The following PBX3 variants were observed in gnomAD, a reference collection of about 807,000 sequenced individuals.
PBX3 encodes pre-B-cell leukemia transcription factor 3.
PBX3 carries 14 observed loss-of-function variants against 48.5 expected under a neutral mutation model. That is an observed-to-expected ratio of 0.29 (90% confidence interval 0.19 to 0.45). The LOEUF is 0.45. Ranked by LOEUF, PBX3 falls within the 20% of genes least tolerant of loss-of-function variation. The pLI is 1.00. For synonymous variants in PBX3, 210 were observed against 200.3 expected, an observed-to-expected ratio of 1.05 and a Z score of -0.41; for missense variants, 386 against 546.7, an observed-to-expected ratio of 0.71 and a Z score of 2.93.
chr9:125,848,155 G>A (rs1839477781), intron 2 of PBX3, among the ~76,000 whole-genome samples: 1 of 151,940 alleles, frequency 6.6e-6, no homozygotes, highest in African/African-American at 2.4e-5. Flanking sequence ...CCAGTTTAGA[G>A]AACAAATCTC....
chr9:125,818,208 C>CA (rs374269822), intron 2 of PBX3, among the ~76,000 whole-genome samples: 3,894 of 139,604 alleles, frequency 0.028, 68 homozygotes, highest in African/African-American at 0.042. Context: ...TCAAAAAAAC[C>CA]AAAAAAAAAA....
rs34242809 is a variant in PBX3 at position 125,802,674 on chromosome 9, A to AT, written c.274+54061dup. ...ATTAGCAATTGTGCCTGGCCAATACATTTTTTTTTTGTTTGTTTTTTTGAG... is the reference window on the plus strand; with the variant it reads ...ATTAGCAATTGTGCCTGGCCAATACATTTTTTTTTTTGTTTGTTTTTTTGAG... On this transcript the variant is annotated intron_variant, in intron 2 of 8. Transcript: ENST00000373489. 4.7e-5 allele frequency among the ~76,000 whole-genome samples: 7 copies of AT among 150,032 alleles called. No homozygotes were observed. The South Asian group carries it at 8.5e-4, about 18-fold the overall frequency.
chr9:125,855,027 A>C (rs972378839), intron 2 of PBX3, among the ~76,000 whole-genome samples: 6 of 152,214 alleles, frequency 3.9e-5, no homozygotes, highest in African/African-American at 1.4e-4. Context: ...GCATGAGATG[A>C]CTAAGTCAAA....
chr9:125,887,402 C>G (rs1432914422), intron 2 of PBX3, among the ~76,000 whole-genome samples: 2 of 152,184 alleles, frequency 1.3e-5, no homozygotes, highest in African/African-American at 4.8e-5. Context: ...CTATGCTAAT[C>G]ATTTGTTAGA....
At chr9:125,928,056 A>G (rs1219906271) in intron 3 of PBX3, among the ~76,000 whole-genome samples, 1 of 151,446 alleles carries the variant, frequency 6.6e-6, no homozygotes, top group African/African-American at 2.4e-5. Context: ...GGCGGTGTGT[A>G]CCTGTAGTCC....
At chr9:125,922,742 T>G (rs1372998898) in intron 3 of PBX3, among the ~76,000 whole-genome samples, 1 of 152,186 alleles carries the variant, frequency 6.6e-6, no homozygotes, top group African/African-American at 2.4e-5. Flanking sequence ...GTTTAAAAAA[T>G]GTATGCCTTT....
At chr9:125,890,842 A>C (rs1840624313) in intron 2 of PBX3, among the ~76,000 whole-genome samples, 1 of 152,218 alleles carries the variant, frequency 6.6e-6, no homozygotes, top group Non-Finnish European at 1.5e-5. Flanking sequence ...GCCCCTTTTT[A>C]GATTAACAAA....
intron 3 of PBX3, among the ~76,000 whole-genome samples, chr9:125,921,051 T>C (rs891252153): frequency 3.3e-5 from 5 of 152,152 alleles, no homozygotes; most frequent in Admixed American, 1.3e-4. Flanking sequence ...TAATTCCATT[T>C]TGCTATTTCT....
intron 2 of PBX3, among the ~76,000 whole-genome samples, chr9:125,829,015 G>A (rs1838883874): frequency 6.6e-6 from 1 of 152,114 alleles, no homozygotes; most frequent in Non-Finnish European, 1.5e-5. Flanking sequence ...ATTGGAGCTG[G>A]GAGTCTGGTA....
intron 2 of PBX3, among the ~76,000 whole-genome samples, chr9:125,857,578 T>C (rs1839755521): frequency 1.3e-5 from 2 of 152,168 alleles, no homozygotes; most frequent in African/African-American, 2.4e-5. Context: ...TTCAAAAACA[T>C]TTCTTTAAAA....
intron 2 of PBX3, among the ~76,000 whole-genome samples, chr9:125,886,802 AACTT>A (rs1564156570): frequency 1.6e-4 from 6 of 36,928 alleles, no homozygotes; most frequent in Non-Finnish European, 5.6e-4. Flanking sequence ...TGAAAATTAC[AACTT>A]GAACAACATT....
intron 2 of PBX3, among the ~76,000 whole-genome samples, chr9:125,792,692 G>A (rs971362010): frequency 5.0e-4 from 71 of 142,512 alleles, no homozygotes; most frequent in African/African-American, 1.8e-3. Flanking sequence ...CTTTATTGAG[G>A]TATACTTAAT....
At chr9:125,931,745 T>C (rs1402051010) in intron 4 of PBX3, among the ~76,000 whole-genome samples, 1 of 152,156 alleles carries the variant, frequency 6.6e-6, no homozygotes, top group Non-Finnish European at 1.5e-5. Flanking sequence ...GGTGAACAAA[T>C]ATACCATAAC....
chr9:125,948,216 T>A (rs2118746896), intron 5 of PBX3, among the ~76,000 whole-genome samples: 1 of 151,802 alleles, frequency 6.6e-6, no homozygotes, highest in South Asian at 2.1e-4. Flanking sequence ...ATATAGAAGA[T>A]TTTAACACCA....
Position 125,929,524 on chromosome 9 carries a change from A to C in PBX3, c.517-131A>C, listed in dbSNP as rs1841667270. 12 of 580,216 alleles carry C rather than the reference A, an allele frequency of 2.1e-5. No individual in the cohort carries two copies. In the South Asian group the frequency reaches 2.8e-4, roughly 13 times the overall value. The allele number at this position is 580,216 out of a possible 1,614,324, so 35.9% of individuals were successfully genotyped here. ...ATTACTACCATTTTACAAGTGTCTT[A>C]GTTTTCATTTTACCCTACACACTGT... On this transcript the variant is annotated intron_variant, in intron 3 of 8. Coordinates refer to ENST00000373489, the MANE Select transcript of PBX3 (RefSeq NM_006195.6).
At chr9:125,929,879 C>G in intron 4 of PBX3, 34 bp downstream of exon 4, 3 of 1,475,894 alleles carry the variant, frequency 2.0e-6, no homozygotes, top group Non-Finnish European at 2.8e-6. Flanking sequence ...GCATGGCTTT[C>G]CCCCGTCTGT....
intron 2 of PBX3, among the ~76,000 whole-genome samples, chr9:125,828,025 T>C (rs1838857738): frequency 6.6e-6 from 1 of 152,144 alleles, no homozygotes; most frequent in South Asian, 2.1e-4. Flanking sequence ...TGTGTCCTTA[T>C]TTGCTGGATA....
At chr9:125,884,400 T>C (rs985197539) in intron 2 of PBX3, among the ~76,000 whole-genome samples, 14 of 152,238 alleles carry the variant, frequency 9.2e-5, no homozygotes, top group African/African-American at 3.4e-4. Context: ...GGAGCTTTTA[T>C]GCATTCATAG....
chr9:125,774,024 T>G (rs1176806241), intron 2 of PBX3, among the ~76,000 whole-genome samples: 2 of 152,116 alleles, frequency 1.3e-5, no homozygotes, highest in Non-Finnish European at 2.9e-5. Context: ...TATAAATAAA[T>G]AACTGAGACT....
Sources: gnomAD v4.1 joint callset for allele counts (sites outside exome capture counted in the v4.1 genomes callset) on GRCh38, gnomAD v4.1.1 for gene constraint, MANE v1.5 for transcripts, NCBI Gene and HGNC (gene_info 2026-07-23, HGNC 2026-07-21) for gene names.